The following EYS variants were observed in gnomAD, a reference collection of about 807,000 sequenced individuals.
The protein encoded by EYS is EGF-like photoreceptor maintenance factor.
EYS carries 250 observed loss-of-function variants against 282.1 expected under a neutral mutation model. That is an observed-to-expected ratio of 0.89 (90% CI 0.80 to 0.98). The LOEUF (loss-of-function observed/expected upper bound fraction) is 0.98, where lower values mean the gene tolerates loss of function less well. Among genes scored for constraint, EYS ranks in the 50% least tolerant of loss-of-function variants. The probability of loss-of-function intolerance (pLI) is 0.00; values close to 1 mark genes in which losing one functional copy is unlikely to be tolerated. For missense variants in EYS, 4,016 were observed against 3,709.0 expected (o/e 1.08, Z -2.15); for synonymous variants, 1,355 against 1,282.9 (o/e 1.06, Z -1.20).
At chr6:65,250,766 T>G (rs180717591) in intron 12 of EYS, among the ~76,000 whole-genome samples, 9 of 151,880 alleles carry the variant, frequency 5.9e-5, no homozygotes, top group Admixed American at 5.3e-4. Context: ...ATAGATATTT[T>G]AAGTCCAAGA....
At chr6:64,586,324 C>T (rs371468472) in intron 26 of EYS, among the ~76,000 whole-genome samples, 2 of 152,156 alleles carry the variant, frequency 1.3e-5, no homozygotes, top group East Asian at 3.9e-4. Flanking sequence ...AATAAATACC[C>T]ATTCTGTGGT....
At chr6:64,458,594 T>C (rs193280877) in intron 26 of EYS, among the ~76,000 whole-genome samples, 1 of 152,010 alleles carries the variant, frequency 6.6e-6, no homozygotes, top group East Asian at 1.9e-4. Flanking sequence ...TTTTCTTTGA[T>C]GGTCTTAGCA....
intron 30 of EYS, among the ~76,000 whole-genome samples, chr6:64,254,526 A>T (rs899974407): frequency 4.6e-5 from 7 of 152,064 alleles, no homozygotes; most frequent in Non-Finnish European, 1.0e-4. Flanking sequence ...AAATGTGATC[A>T]GAATAATATT....
At chr6:65,667,517 A>G (rs541541306) in intron 1 of EYS, among the ~76,000 whole-genome samples, 1 of 151,922 alleles carries the variant, frequency 6.6e-6, no homozygotes, top group South Asian at 2.1e-4. Context: ...TATGATTCAG[A>G]TCTTAACTCA....
chr6:63,868,445 T>TA (rs1350776594), intron 35 of EYS, among the ~76,000 whole-genome samples: 2 of 152,084 alleles, frequency 1.3e-5, no homozygotes, highest in Non-Finnish European at 2.9e-5. Flanking sequence ...TGTATTAACT[T>TA]AAAAAAATAA....
At position 65,478,051 on chromosome 6, in the gene EYS, G is replaced by A. The variant is rs116296234; in HGVS notation, c.862+12543C>T. ...AACATTTATTCAATACCTTATATGTGCTGTAAAATAGGGCTGTAAATTTGA... is the reference window on the plus strand; with the variant it reads ...AACATTTATTCAATACCTTATATGTACTGTAAAATAGGGCTGTAAATTTGA... On this transcript the variant is annotated intron_variant, in intron 5 of 42. Coordinates refer to ENST00000503581, the MANE Select transcript of EYS (RefSeq NM_001142800.2). Among the ~76,000 whole-genome samples, 133 of 152,148 alleles carry A rather than the reference G, an allele frequency of 8.7e-4. 2 individuals are homozygous for A. The highest frequency in any genetic ancestry group is 2.6e-3 in the African/African-American group (107 of 41,520).
chr6:64,592,756 G>C (rs931307729), intron 25 of EYS, among the ~76,000 whole-genome samples: 1 of 152,074 alleles, frequency 6.6e-6, no homozygotes, highest in Non-Finnish European at 1.5e-5. Context: ...AATTTGATAG[G>C]AATATAAATT....
chr6:63,830,613 G>C (rs962139940), intron 36 of EYS, among the ~76,000 whole-genome samples: 1 of 152,178 alleles, frequency 6.6e-6, no homozygotes, highest in Non-Finnish European at 1.5e-5. Context: ...AAGTGATGGG[G>C]AGAATGGAAC....
intron 31 of EYS, among the ~76,000 whole-genome samples, chr6:64,172,375 C>T (rs1450030757): frequency 1.3e-5 from 2 of 152,058 alleles, no homozygotes; most frequent in African/African-American, 4.8e-5. Context: ...GACCAGAAAC[C>T]CCAATTTTCC....
chr6:64,910,560 T>C (rs568253283), intron 16 of EYS, among the ~76,000 whole-genome samples: 149 of 152,100 alleles, frequency 9.8e-4, no homozygotes, highest in African/African-American at 3.3e-3. Context: ...AATAAACACA[T>C]AATTCACTGT....
chr6:64,889,043 G>C (rs1767190456), intron 18 of EYS, among the ~76,000 whole-genome samples: 1 of 151,838 alleles, frequency 6.6e-6, no homozygotes, highest in Non-Finnish European at 1.5e-5. Context: ...AATCTACTTT[G>C]TATTTTGAAA....
At chr6:63,736,681 A>G (rs969048787) in intron 41 of EYS, among the ~76,000 whole-genome samples, 1 of 152,170 alleles carries the variant, frequency 6.6e-6, no homozygotes, top group Admixed American at 6.5e-5. Context: ...CTTGGGCAGT[A>G]CGGCCATTTT....
chr6:64,260,376 G>A (rs987828294), intron 30 of EYS, among the ~76,000 whole-genome samples: 1 of 152,004 alleles, frequency 6.6e-6, no homozygotes, highest in Non-Finnish European at 1.5e-5. Context: ...GTCTCCCACA[G>A]GTGGATTTCA....
chr6:64,251,935 G>T (rs1767231588), intron 30 of EYS, among the ~76,000 whole-genome samples: 1 of 152,124 alleles, frequency 6.6e-6, no homozygotes, highest in Non-Finnish European at 1.5e-5. Context: ...ATAGAAAGGA[G>T]ATTTCAAGGT....
intron 36 of EYS, among the ~76,000 whole-genome samples, chr6:63,843,035 G>A (rs1056914211): frequency 4.6e-5 from 7 of 152,118 alleles, no homozygotes; most frequent in Non-Finnish European, 8.8e-5. Flanking sequence ...TGAAGTCAGG[G>A]TAGTGTGATG....
chr6:64,893,928 T>G (rs1767371969), intron 18 of EYS, among the ~76,000 whole-genome samples: 1 of 152,062 alleles, frequency 6.6e-6, no homozygotes, highest in African/African-American at 2.4e-5. Flanking sequence ...ATGAAACTCC[T>G]ATGCATGCAT....
intron 30 of EYS, among the ~76,000 whole-genome samples, chr6:64,289,924 G>T (rs1277846665): frequency 6.6e-6 from 1 of 151,976 alleles, no homozygotes; most frequent in African/African-American, 2.4e-5. Context: ...TGGTAAGTAG[G>T]CAGTCAAATT....
chr6:64,957,332 T>C (rs946891823), intron 14 of EYS, among the ~76,000 whole-genome samples: 1 of 151,964 alleles, frequency 6.6e-6, no homozygotes, highest in Non-Finnish European at 1.5e-5. Context: ...GAAAGACAAA[T>C]CAAATATTGC....
chr6:64,430,180 T>C (rs1176088925), intron 28 of EYS, among the ~76,000 whole-genome samples: 1 of 152,166 alleles, frequency 6.6e-6, no homozygotes, highest in African/African-American at 2.4e-5. Context: ...AATGTTTCCA[T>C]TGTCTTTGTT....
Sources: gnomAD v4.1 joint callset for allele counts (sites outside exome capture counted in the v4.1 genomes callset) on GRCh38, gnomAD v4.1.1 for gene constraint, MANE v1.5 for transcripts, NCBI Gene and HGNC (gene_info 2026-07-23, HGNC 2026-07-21) for gene names.